The following CEP128 variants were observed in gnomAD, a reference collection of about 807,000 sequenced individuals.
CEP128 encodes centrosomal protein 128kDa.
A neutral mutation model predicts 156.7 loss-of-function variants in CEP128; 132 were observed. That is an observed-to-expected ratio of 0.84 (90% confidence interval 0.73 to 0.97). The LOEUF (loss-of-function observed/expected upper bound fraction) is 0.97, where lower values mean the gene tolerates loss of function less well. Ranked by LOEUF, CEP128 falls within the 50% of genes least tolerant of loss-of-function variation. The pLI is 0.00. For missense variants in CEP128, 1,252 were observed against 1,281.9 expected, an observed-to-expected ratio of 0.98 and a Z score of 0.36; for synonymous variants, 469 against 448.9, an observed-to-expected ratio of 1.04 and a Z score of -0.57.
rs146937091 is a variant in CEP128 at position 80,629,690 on chromosome 14, A to G, written c.2807-49267T>C. On this transcript the variant is annotated intron_variant, in intron 19 of 24. Transcript: ENST00000555265. ...CTAGGGTTTGCACTGAAGTTTTTCT[A>G]TGTGGTTTTTATTGTTTGTTGATTT... 2.8e-3 allele frequency among the ~76,000 whole-genome samples: 420 copies of G among 151,998 alleles called. 3 individuals carry two copies. The highest frequency in any genetic ancestry group is 9.7e-3 in the African/African-American group (403 of 41,526).
chr14:80,632,427 G>A (rs1254563212), intron 19 of CEP128, among the ~76,000 whole-genome samples: 3 of 148,028 alleles, frequency 2.0e-5, no homozygotes, highest in African/African-American at 7.4e-5. Context: ...ATATAATATG[G>A]TACATATATA....
At chr14:80,676,839 G>A (rs761711727) in intron 19 of CEP128, among the ~76,000 whole-genome samples, 1 of 152,084 alleles carries the variant, frequency 6.6e-6, no homozygotes, top group Non-Finnish European at 1.5e-5. Flanking sequence ...TCAGTTTTCT[G>A]ATATTAAAAT....
intron 16 of CEP128, among the ~76,000 whole-genome samples, chr14:80,776,423 A>T (rs971917458): frequency 1.3e-5 from 2 of 150,750 alleles, no homozygotes; most frequent in African/African-American, 4.9e-5. Flanking sequence ...ATTTAATCAT[A>T]AACTCCTAAC....
At chr14:80,489,741 G>C (rs1344426131), downstream of CEP128, among the ~76,000 whole-genome samples, 5 of 150,180 alleles carry the variant, frequency 3.3e-5, no homozygotes, top group Admixed American at 3.3e-4. Context: ...CATCAGAGTA[G>C]GATGTGACCA....
chr14:80,900,972 C>T (rs1353252413), intron 6 of CEP128, among the ~76,000 whole-genome samples: 2 of 151,888 alleles, frequency 1.3e-5, no homozygotes, highest in African/African-American at 2.4e-5. Flanking sequence ...TTTGGGAGGC[C>T]GAGGCGGGCG....
intron 9 of CEP128, among the ~76,000 whole-genome samples, chr14:80,853,432 T>C (rs73340182): frequency 9.5e-4 from 145 of 151,992 alleles, no homozygotes; most frequent in African/African-American, 3.3e-3. Context: ...AATAAGGGCA[T>C]TGAGCAAAAT....
chr14:80,842,339 C>T (rs750821144), intron 9 of CEP128, among the ~76,000 whole-genome samples: 2 of 151,898 alleles, frequency 1.3e-5, no homozygotes, highest in Non-Finnish European at 2.9e-5. Flanking sequence ...TCTAGAAATG[C>T]CATTGAGTTT....
In CEP128 at chr14:80,709,946, T is replaced by C. The variant is rs1444275977; in HGVS notation, c.2806+33129A>G. Among the ~76,000 whole-genome samples the C allele has an allele frequency of 1.5e-4, 22 of 151,280 alleles. 1 individual carries two copies. The highest frequency in any genetic ancestry group is 1.4e-3 in the Admixed American group (22 of 15,196). ...GTATCACTATAACAAATCTAAAAAC[T>C]AGGAGAAAAATTAAGAATAAGAGAG... is the stretch of plus-strand genomic sequence containing the variant. On this transcript the variant is annotated intron_variant, in intron 19 of 24. Transcript: ENST00000555265.
At chr14:80,819,899 T>C (rs960581382) in intron 13 of CEP128, among the ~76,000 whole-genome samples, 8 of 152,086 alleles carry the variant, frequency 5.3e-5, no homozygotes, top group African/African-American at 1.9e-4. Flanking sequence ...ATTTTTTTCA[T>C]TGCCAAGTAG....
intron 19 of CEP128, among the ~76,000 whole-genome samples, chr14:80,582,405 A>T (rs1255787262): frequency 6.6e-6 from 1 of 152,186 alleles, no homozygotes; most frequent in Non-Finnish European, 1.5e-5. Context: ...GGAAAAGAGG[A>T]TCCCAAATCT....
chr14:80,854,416 C>T lies in CEP128; in HGVS notation c.762+8341G>A, dbSNP rs144278386. On this transcript the variant is annotated intron_variant, in intron 9 of 24. Transcript: ENST00000555265. ...TAAATGTGATCTCATTTTCTAAAAA[C>T]GAATACATGACCAAAAAGTCCCCAT... Among the ~76,000 whole-genome samples the T allele has an allele frequency of 1.9e-3, 296 of 152,108 alleles. 1 individual carries two copies. The highest frequency in any genetic ancestry group is 6.6e-3 in the African/African-American group (274 of 41,504).
intron 19 of CEP128, among the ~76,000 whole-genome samples, chr14:80,728,044 A>G (rs1898084755): frequency 6.6e-6 from 1 of 152,154 alleles, no homozygotes; most frequent in Non-Finnish European, 1.5e-5. Flanking sequence ...CAAAAGACAC[A>G]TGCATACGTA....
intron 19 of CEP128, among the ~76,000 whole-genome samples, chr14:80,618,633 C>A (rs1257799315): frequency 6.6e-6 from 1 of 152,188 alleles, no homozygotes; most frequent in East Asian, 1.9e-4. Context: ...TAGGCCGTAA[C>A]TGCTGGAGTT....
intron 20 of CEP128, 75 bp from the exon 21 acceptor site, chr14:80,559,377 G>T: frequency 8.5e-7 from 1 of 1,180,870 alleles, no homozygotes; most frequent in East Asian, 2.6e-5. Flanking sequence ...TAATTTACAA[G>T]TATTCTATTT....
At position 80,745,208 on chromosome 14, in the gene CEP128, C is replaced by T. The variant is rs114331285; in HGVS notation, c.2614-1941G>A. Reference sequence around the variant, plus strand: ...AAGGTGTGTAGCACTTCATCCTTTGCTCTCTCTCTCTTGCAGCCATGTGAA... The same window carrying T: ...AAGGTGTGTAGCACTTCATCCTTTGTTCTCTCTCTCTTGCAGCCATGTGAA... On this transcript the variant is annotated intron_variant, in intron 18 of 24. Coordinates refer to ENST00000555265, the MANE Select transcript of CEP128 (RefSeq NM_152446.5). 6.0e-3 allele frequency among the ~76,000 whole-genome samples: 905 copies of T among 152,022 alleles called. 9 individuals carry two copies. Among genetic ancestry groups the T allele is most frequent in the African/African-American group, 0.02 (838 of 41,482 alleles).
chr14:80,522,366 C>T (rs1246321612), intron 23 of CEP128, among the ~76,000 whole-genome samples: 1 of 152,172 alleles, frequency 6.6e-6, no homozygotes, highest in African/African-American at 2.4e-5. Context: ...TTATATCACA[C>T]ACATGCTTAC....
chr14:80,873,479 G>C (rs550218123), intron 8 of CEP128, among the ~76,000 whole-genome samples: 66 of 152,262 alleles, frequency 4.3e-4, no homozygotes, highest in African/African-American at 1.5e-3. Context: ...GGTGAAAGGT[G>C]AAACAATAAA....
chr14:80,817,539 T>C (rs1272748707), intron 13 of CEP128, among the ~76,000 whole-genome samples: 6 of 152,312 alleles, frequency 3.9e-5, no homozygotes, highest in African/African-American at 1.4e-4. Flanking sequence ...TGGAAATTAT[T>C]TTTGAAAAAC....
intron 16 of CEP128, among the ~76,000 whole-genome samples, chr14:80,762,540 A>G (rs1209567710): frequency 1.3e-5 from 2 of 152,206 alleles, no homozygotes; most frequent in African/African-American, 4.8e-5. Context: ...TGAAAGCTAG[A>G]ATGATATTTT....
Sources: gnomAD v4.1 joint callset for allele counts (sites outside exome capture counted in the v4.1 genomes callset) on GRCh38, gnomAD v4.1.1 for gene constraint, MANE v1.5 for transcripts, NCBI Gene and HGNC (gene_info 2026-07-23, HGNC 2026-07-21) for gene names.